The following HIRA variants were observed in gnomAD, a reference collection of about 807,000 sequenced individuals.
The protein encoded by HIRA is histone cell cycle regulator.
HIRA carries 13 observed loss-of-function variants against 126.6 expected under a neutral mutation model. That is an observed-to-expected ratio of 0.10 (90% CI 0.07 to 0.16). The LOEUF (loss-of-function observed/expected upper bound fraction) is 0.16, where lower values mean the gene tolerates loss of function less well. HIRA is among the 10% of genes least tolerant of loss of function. The pLI is 1.00. For missense variants in HIRA, 834 were observed against 1,314.4 expected (o/e 0.63, Z 5.65); for synonymous variants, 511 against 520.0 (o/e 0.98, Z 0.24).
chr22:19,422,213 CAT>C (rs1312611087), intron 1 of HIRA, among the ~76,000 whole-genome samples: 5 of 141,552 alleles, frequency 3.5e-5, no homozygotes, highest in South Asian at 2.2e-4. Flanking sequence ...TATATATATA[CAT>C]ATATATATTA....
chr22:19,426,938 A>G (rs1046991525), intron 1 of HIRA, among the ~76,000 whole-genome samples: 10 of 152,234 alleles, frequency 6.6e-5, no homozygotes, highest in African/African-American at 2.4e-4. Flanking sequence ...TTTATGTCAC[A>G]TATTTAGTAA....
chr22:19,378,708 T>C (rs2089042113), intron 13 of HIRA, among the ~76,000 whole-genome samples: 1 of 152,258 alleles, frequency 6.6e-6, no homozygotes, highest in Non-Finnish European at 1.5e-5. Flanking sequence ...GCAGTTGGTG[T>C]AGGACACTCT....
intron 24 of HIRA, among the ~76,000 whole-genome samples, chr22:19,334,375 G>A (rs1348727356): frequency 6.6e-6 from 1 of 150,776 alleles, no homozygotes; most frequent in Non-Finnish European, 1.5e-5. Context: ...TGTCTGATGG[G>A]CACAGTGGCT....
At chr22:19,335,110 A>C (rs1249883180) in intron 24 of HIRA, among the ~76,000 whole-genome samples, 1 of 152,168 alleles carries the variant, frequency 6.6e-6, no homozygotes, top group African/African-American at 2.4e-5. Context: ...ATAATGTGTA[A>C]AAATCTTTTA....
intron 1 of HIRA, among the ~76,000 whole-genome samples, chr22:19,425,842 G>A (rs1416513293): frequency 6.6e-6 from 1 of 151,888 alleles, no homozygotes; most frequent in Non-Finnish European, 1.5e-5. Context: ...ACTAAATACC[G>A]AATACTAAAA....
chr22:19,384,888 A>T (rs991277084), intron 12 of HIRA, among the ~76,000 whole-genome samples: 5 of 151,862 alleles, frequency 3.3e-5, no homozygotes, highest in African/African-American at 1.2e-4. Flanking sequence ...TCCTGACCTC[A>T]AGTGATCCGC....
intron 1 of HIRA, among the ~76,000 whole-genome samples, chr22:19,418,012 T>C (rs560959865): frequency 2.6e-5 from 4 of 152,332 alleles, no homozygotes; most frequent in African/African-American, 7.2e-5. Flanking sequence ...AGGATTCCAC[T>C]TATATGAGCT....
At chr22:19,394,632 TTCTGG>T in intron 7 of HIRA, 123 bp from the exon 8 acceptor site, 3 of 965,084 alleles carry the variant, frequency 3.1e-6, no homozygotes, top group South Asian at 3.3e-5. Flanking sequence ...CACCCCAAGC[TTCTGG>T]CTACACTGAC....
chr22:19,403,348 G>A (rs1313746337), intron 5 of HIRA, among the ~76,000 whole-genome samples: 4 of 152,090 alleles, frequency 2.6e-5, no homozygotes, highest in African/African-American at 9.7e-5. Flanking sequence ...GGTGACTCAT[G>A]CCTGTAATCC....
At chr22:19,338,045 G>C (rs905094842) in intron 24 of HIRA, among the ~76,000 whole-genome samples, 1 of 152,102 alleles carries the variant, frequency 6.6e-6, no homozygotes, top group African/African-American at 2.4e-5. Context: ...ACCCACCTTG[G>C]CCTCCCTAAG....
chr22:19,379,247 C>T (rs1486858985), intron 13 of HIRA, among the ~76,000 whole-genome samples: 3 of 151,338 alleles, frequency 2.0e-5, no homozygotes, highest in Admixed American at 1.3e-4. Context: ...CTCCTGACCT[C>T]GTGATCCGCC....
At position 19,405,809 on chromosome 22, in the gene HIRA, G is replaced by C. The variant is rs764578546; in HGVS notation, c.374C>G (p.Ser125Cys). The change falls in exon 5 of 25, where the codon TCT (serine) becomes TGT (cysteine). Residue 125 changes from serine (S) to cysteine (C), a missense_variant. Ser to Cys is a moderately radical substitution (Grantham distance 112). Coordinates refer to ENST00000263208, the MANE Select transcript of HIRA (RefSeq NM_003325.4). ...LANVEQWRCV[S>C]ILRNHSGDVM... The stretch of plus-strand genomic sequence containing the variant: ...ACCGCCTGAATGATTCCGGAGGATA[G>C]AGACACACCGCCACTGCTCCACATT... 2.0e-6 allele frequency: 3 copies of C among 1,490,020 alleles called. No homozygotes were observed. Among genetic ancestry groups the C allele is most frequent in the South Asian group, 2.7e-5 (2 of 74,288 alleles). The allele number at this position is 1,490,020 out of a possible 1,614,324, so 92.3% of individuals were successfully genotyped here.
At chr22:19,363,318 TA>T in intron 15 of HIRA, among the ~76,000 whole-genome samples, 1 of 151,730 alleles carries the variant, frequency 6.6e-6, no homozygotes, top group Non-Finnish European at 1.5e-5. Flanking sequence ...AAAGACAGAT[TA>T]ATAGTAGGTG....
intron 17 of HIRA, among the ~76,000 whole-genome samples, chr22:19,360,681 C>T (rs2088855114): frequency 6.6e-6 from 1 of 152,186 alleles, no homozygotes; most frequent in Admixed American, 6.5e-5. Flanking sequence ...CAGGAGAGGC[C>T]TAGATACTAT....
intron 15 of HIRA, among the ~76,000 whole-genome samples, chr22:19,375,276 G>A (rs2089007150): frequency 6.6e-6 from 1 of 152,180 alleles, no homozygotes; most frequent in African/African-American, 2.4e-5. Context: ...CAATATCAGA[G>A]TCTTCCACCT....
At chr22:19,339,049 AG>A (rs1311137258) in intron 24 of HIRA, among the ~76,000 whole-genome samples, 1 of 152,236 alleles carries the variant, frequency 6.6e-6, no homozygotes, top group Non-Finnish European at 1.5e-5. Flanking sequence ...ACCATATGAT[AG>A]GCCACAAAAC....
intron 15 of HIRA, 113 bp downstream of exon 15, chr22:19,375,518 A>C: frequency 1.8e-6 from 2 of 1,106,594 alleles, no homozygotes; most frequent in Non-Finnish European, 2.6e-6. Context: ...TTGAGTGGCT[A>C]GAGTCTTTTC....
intron 1 of HIRA, among the ~76,000 whole-genome samples, chr22:19,421,257 C>T (rs1449815350): frequency 6.7e-6 from 1 of 149,508 alleles, no homozygotes; most frequent in African/African-American, 2.5e-5. Flanking sequence ...CGAGGTTGCA[C>T]CATTGCACTC....
chr22:19,354,393 G>A (rs568299438), intron 21 of HIRA, among the ~76,000 whole-genome samples: 5 of 152,344 alleles, frequency 3.3e-5, no homozygotes, highest in South Asian at 4.1e-4. Context: ...AGCTCCATAT[G>A]TTGGTTCCTG....
Sources: gnomAD v4.1 joint callset for allele counts (sites outside exome capture counted in the v4.1 genomes callset) on GRCh38, gnomAD v4.1.1 for gene constraint, MANE v1.5 for transcripts, NCBI Gene and HGNC (gene_info 2026-07-23, HGNC 2026-07-21) for gene names.